KCNQ5: variants seen among roughly 807,000 people sequenced by gnomAD.
KCNQ5 encodes potassium voltage-gated channel subfamily KQT member 5.
A neutral mutation model predicts 98.2 loss-of-function variants in KCNQ5; 30 were observed. The observed-to-expected ratio is 0.31, with a 90% CI of 0.23 to 0.41. The LOEUF is 0.41. KCNQ5 is among the 10% of genes least tolerant of loss of function. KCNQ5 has a pLI of 1.00. For missense variants in KCNQ5, 835 were observed against 1,182.5 expected, an observed-to-expected ratio of 0.71 and a Z score of 4.31; for synonymous variants, 458 against 449.4, an observed-to-expected ratio of 1.02 and a Z score of -0.24.
chr6:73,135,524 C>T (rs1192335185), intron 10 of KCNQ5: 1 of 152,044 alleles, frequency 6.6e-6, no homozygotes, highest in Non-Finnish European at 1.5e-5. Context: ...CTGCCCTCTC[C>T]CCTGCCCCTA....
chr6:73,025,946 A>T (rs1056002888), intron 2 of KCNQ5, among the ~76,000 whole-genome samples: 3 of 152,130 alleles, frequency 2.0e-5, no homozygotes, highest in African/African-American at 7.2e-5. Flanking sequence ...TGAGGATATG[A>T]TATATTTATA....
chr6:72,831,179 C>T (rs1426286416), intron 1 of KCNQ5, among the ~76,000 whole-genome samples: 1 of 152,164 alleles, frequency 6.6e-6, no homozygotes, highest in Non-Finnish European at 1.5e-5. Flanking sequence ...GGCGATTCCT[C>T]AAGGATCTAC....
At chr6:73,018,639 A>T (rs986094298) in intron 2 of KCNQ5, among the ~76,000 whole-genome samples, 1 of 152,132 alleles carries the variant, frequency 6.6e-6, no homozygotes, top group Non-Finnish European at 1.5e-5. Context: ...ATACTCATAT[A>T]GTCCCCATCG....
chr6:72,795,933 AG>A (rs1361541121), intron 1 of KCNQ5, among the ~76,000 whole-genome samples: 3 of 152,142 alleles, frequency 2.0e-5, no homozygotes, highest in Non-Finnish European at 4.4e-5. Flanking sequence ...ATTACAGACA[AG>A]GACAACTGGT....
chr6:72,868,569 T>G (rs1029809880), intron 1 of KCNQ5, among the ~76,000 whole-genome samples: 1 of 152,168 alleles, frequency 6.6e-6, no homozygotes, highest in Non-Finnish European at 1.5e-5. Flanking sequence ...TTCAGGAGAC[T>G]GCCATATTGC....
intron 1 of KCNQ5, among the ~76,000 whole-genome samples, chr6:72,726,881 A>C (rs982725400): frequency 5.3e-5 from 8 of 152,086 alleles, no homozygotes; most frequent in African/African-American, 9.7e-5. Flanking sequence ...TCACTGTGTC[A>C]CCCAGGTTGC....
chr6:73,166,992 T>C (rs981886216), intron 10 of KCNQ5, among the ~76,000 whole-genome samples: 1 of 152,240 alleles, frequency 6.6e-6, no homozygotes, highest in African/African-American at 2.4e-5. Context: ...CATATTCCGA[T>C]GTTCCACGTG....
At chr6:72,736,319 C>T (rs191369520) in intron 1 of KCNQ5, among the ~76,000 whole-genome samples, 27 of 151,342 alleles carry the variant, frequency 1.8e-4, no homozygotes, top group Admixed American at 1.4e-3. Context: ...TCTCAATGTC[C>T]GATAATAAGG....
At chr6:72,943,777 G>T (rs1435929424) in intron 1 of KCNQ5, among the ~76,000 whole-genome samples, 2 of 152,176 alleles carry the variant, frequency 1.3e-5, no homozygotes, top group African/African-American at 4.8e-5. Flanking sequence ...TGTAAAATGG[G>T]AATGATATTA....
intron 5 of KCNQ5, among the ~76,000 whole-genome samples, chr6:73,099,583 G>A (rs1348862290): frequency 6.6e-6 from 1 of 152,078 alleles, no homozygotes; most frequent in Non-Finnish European, 1.5e-5. Context: ...AAGAGACAAG[G>A]AAGGTCATTA....
chr6:72,712,437 C>G (rs975464448), intron 1 of KCNQ5, among the ~76,000 whole-genome samples: 3 of 152,162 alleles, frequency 2.0e-5, no homozygotes, highest in Non-Finnish European at 4.4e-5. Flanking sequence ...AAAAGCAAGA[C>G]CAGCTTTAAA....
chr6:72,861,843 G>A (rs1296182101), intron 1 of KCNQ5, among the ~76,000 whole-genome samples: 1 of 146,362 alleles, frequency 6.8e-6, no homozygotes, highest in Non-Finnish European at 1.5e-5. Context: ...AAAAAAACCT[G>A]GATCCACCCC....
chr6:72,905,180 G>T (rs1453233811), intron 1 of KCNQ5, among the ~76,000 whole-genome samples: 1 of 152,048 alleles, frequency 6.6e-6, no homozygotes, highest in Admixed American at 6.6e-5. Flanking sequence ...AGACTTTCCA[G>T]GGCATTTTGC....
At chr6:72,781,176 C>A (rs1773446855) in intron 1 of KCNQ5, among the ~76,000 whole-genome samples, 1 of 152,020 alleles carries the variant, frequency 6.6e-6, no homozygotes, top group Admixed American at 6.6e-5. Context: ...GAAGAGGGGA[C>A]ACACAGAAAG....
At position 73,157,623 on chromosome 6, in the gene KCNQ5, T is replaced by C. The variant is rs868061868; in HGVS notation, c.1469-12123T>C. ...GCAACGGTAGTGGCAGCTGGGTAGGTGAACGCAGCATGGGTGATGGCTGGG... is the reference window on the plus strand; with the variant it reads ...GCAACGGTAGTGGCAGCTGGGTAGGCGAACGCAGCATGGGTGATGGCTGGG... On this transcript the variant is annotated intron_variant, in intron 10 of 13. Coordinates refer to ENST00000370398, the MANE Select transcript of KCNQ5 (RefSeq NM_019842.4). The C allele has an allele frequency of 5.4e-5, 42 of 771,622 alleles. 1 individual carries two copies. The Middle Eastern group carries it at 2.6e-3, about 47-fold the overall frequency. The allele number at this position is 771,622 out of a possible 1,614,324, so 47.8% of individuals were successfully genotyped here.
intron 1 of KCNQ5, among the ~76,000 whole-genome samples, chr6:72,793,240 G>T (rs1774154356): frequency 1.3e-5 from 2 of 152,210 alleles, no homozygotes; most frequent in South Asian, 4.1e-4. Flanking sequence ...GAATTTTGCA[G>T]AAATGCAGCT....
intron 2 of KCNQ5, among the ~76,000 whole-genome samples, chr6:73,019,813 A>T (rs1024680217): frequency 1.3e-5 from 2 of 152,200 alleles, no homozygotes; most frequent in African/African-American, 4.8e-5. Flanking sequence ...TTAAAAATAT[A>T]AGACAGTCTG....
intron 1 of KCNQ5, among the ~76,000 whole-genome samples, chr6:72,933,011 T>G (rs1010731327): frequency 6.6e-6 from 1 of 152,218 alleles, no homozygotes. Flanking sequence ...TATAAAACAT[T>G]AATTATGTTG....
At chr6:73,172,227 T>C (rs1778040957) in intron 11 of KCNQ5, among the ~76,000 whole-genome samples, 1 of 152,166 alleles carries the variant, frequency 6.6e-6, no homozygotes, top group Non-Finnish European at 1.5e-5. Context: ...TGATTCTGCC[T>C]AGTGGTTTTT....
Sources: allele counts gnomAD v4.1 joint callset (sites outside exome capture counted in the v4.1 genomes callset), GRCh38; gene constraint gnomAD v4.1.1; transcripts MANE v1.5; gene names NCBI Gene and HGNC (gene_info 2026-07-23, HGNC 2026-07-21).